The following BCL2 variants were observed in gnomAD, a reference collection of about 807,000 sequenced individuals.
BCL2 encodes the protein BCL2 apoptosis regulator.
Under a neutral mutation model 14.2 loss-of-function variants are expected in BCL2, and 1 was observed. That is an observed-to-expected ratio of 0.07 (90% CI 0.02 to 0.33). BCL2 has a LOEUF of 0.33. Among genes scored for constraint, BCL2 ranks in the 10% least tolerant of loss-of-function variants. BCL2 has a pLI of 0.99. For missense variants in BCL2, 247 were observed against 305.9 expected (o/e 0.81, Z 1.44); for synonymous variants, 151 against 137.2 (o/e 1.10, Z -0.70).
chr18:63,179,527 A>G (rs1274409261), intron 2 of BCL2, among the ~76,000 whole-genome samples: 1 of 151,412 alleles, frequency 6.6e-6, no homozygotes, highest in Non-Finnish European at 1.5e-5. Context: ...AAAGGTGAGG[A>G]AAGGTAACGA....
chr18:63,151,483 TAGATGGGGGGCGATAAC>T (rs1185815973), intron 2 of BCL2, among the ~76,000 whole-genome samples: 2 of 93,364 alleles, frequency 2.1e-5, no homozygotes, highest in Admixed American at 3.4e-4. Context: ...GGGGCGATAA[TAGATGGGGGGCGATAAC>T]AGATGAGGGG....
chr18:63,263,466 G>T (rs559775757), intron 2 of BCL2, among the ~76,000 whole-genome samples: 1 of 152,300 alleles, frequency 6.6e-6, no homozygotes, highest in Admixed American at 6.5e-5. Flanking sequence ...GAGCAGGAGG[G>T]CTGATGAGTG....
rs1016860 is a variant in BCL2, at chr18:63,127,841, C to G, written c.*784G>C. 4.5e-6 allele frequency: 1 copy of G among 224,448 alleles called. No individual in the cohort carries two copies. The highest frequency in any genetic ancestry group is 1.8e-4 in the South Asian group (1 of 5,462). The allele number at this position is 224,448 out of a possible 1,614,324, so 13.9% of individuals were successfully genotyped here. Reference sequence around the variant, plus strand: ...AATATATGAATATACACAATCAGGGCTTAAGGTACTGGATGATATTGTATA... The same window carrying G: ...AATATATGAATATACACAATCAGGGGTTAAGGTACTGGATGATATTGTATA... On this transcript the variant is annotated 3_prime_UTR_variant, in exon 3 of 3. Transcript: ENST00000333681.
In BCL2 at chr18:63,318,442, C is replaced by A. The variant is rs764359199; in HGVS notation, c.225G>T (p.Pro75=). ...PVARTSPLQT[P]AAPGAAAGPA... is the part of the protein sequence containing the mutation. ...GCCCCGCGGCGGCGCCGGGGGCAGC[C>A]GGGGTCTGCAGCGGCGAGGTCCTGG... The change falls in exon 2 of 3, where the codon CCG becomes CCT. Residue 75 remains proline (P), a synonymous_variant. Coordinates refer to ENST00000333681, the MANE Select transcript of BCL2 (RefSeq NM_000633.3). This position sits in a 1 kb window ranked among gnomAD's most constrained non-coding sequence, Gnocchi z 7.4. 16 of 1,477,078 alleles carry A rather than the reference C, an allele frequency of 1.1e-5. No homozygotes were observed. The East Asian group carries it at 3.8e-4, about 35-fold the overall frequency. The allele number at this position is 1,477,078 out of a possible 1,614,324, so 91.5% of individuals were successfully genotyped here. A position where few individuals can be genotyped will look rare whatever the true frequency, so the allele number is the denominator to read the frequency against.
chr18:63,296,739 G>T (rs1041010029), intron 2 of BCL2, among the ~76,000 whole-genome samples: 4 of 152,196 alleles, frequency 2.6e-5, no homozygotes, highest in Non-Finnish European at 5.9e-5. Context: ...GACAATGGGA[G>T]CCACAAGAAC....
intron 2 of BCL2, among the ~76,000 whole-genome samples, chr18:63,270,679 C>A (rs886869586): frequency 6.6e-6 from 1 of 152,166 alleles, no homozygotes. Flanking sequence ...GAAATCACTG[C>A]ATACCTTTTG....
At chr18:63,300,065 G>A (rs758479299) in intron 2 of BCL2, among the ~76,000 whole-genome samples, 1 of 152,208 alleles carries the variant, frequency 6.6e-6, no homozygotes, top group Non-Finnish European at 1.5e-5. Flanking sequence ...AATGAAGTCA[G>A]GAGGCAGAGT....
intron 2 of BCL2, among the ~76,000 whole-genome samples, chr18:63,147,661 A>T (rs1406731522): frequency 1.3e-5 from 2 of 152,226 alleles, no homozygotes; most frequent in Non-Finnish European, 2.9e-5. Flanking sequence ...AGATACTCCG[A>T]CAGCTCAAAT....
At chr18:63,152,193 C>T (rs1487369192) in intron 2 of BCL2, among the ~76,000 whole-genome samples, 2 of 152,198 alleles carry the variant, frequency 1.3e-5, no homozygotes, top group African/African-American at 4.8e-5. Flanking sequence ...AAATAGACAT[C>T]AAGGAGTTTG....
At chr18:63,178,966 G>A (rs1425091794) in intron 2 of BCL2, among the ~76,000 whole-genome samples, 1 of 150,000 alleles carries the variant, frequency 6.7e-6, no homozygotes, top group Non-Finnish European at 1.5e-5. Context: ...AAAGTCATGG[G>A]ACTTGAGTCA....
At chr18:63,187,643 A>T (rs1296663599) in intron 2 of BCL2, among the ~76,000 whole-genome samples, 1 of 152,226 alleles carries the variant, frequency 6.6e-6, no homozygotes, top group Non-Finnish European at 1.5e-5. Context: ...CTGAATAAAG[A>T]ACAGGTGAAG....
chr18:63,176,059 C>T (rs1915341329), intron 2 of BCL2, among the ~76,000 whole-genome samples: 1 of 152,218 alleles, frequency 6.6e-6, no homozygotes, highest in South Asian at 2.1e-4. Context: ...TGAACTCCCA[C>T]AGCGTGGTTT....
chr18:63,274,998 T>G (rs1488544536), intron 2 of BCL2, among the ~76,000 whole-genome samples: 1 of 152,224 alleles, frequency 6.6e-6, no homozygotes, highest in Non-Finnish European at 1.5e-5. Context: ...AGATTCTGCC[T>G]TCACAGTTTT....
intron 2 of BCL2, among the ~76,000 whole-genome samples, chr18:63,181,489 C>T (rs879091314): frequency 1.3e-5 from 2 of 152,222 alleles, no homozygotes; most frequent in Admixed American, 1.3e-4. Flanking sequence ...GGGAAAAATG[C>T]AGATGCCTGG....
intron 2 of BCL2, among the ~76,000 whole-genome samples, chr18:63,177,332 T>G (rs989793399): frequency 6.6e-6 from 1 of 152,218 alleles, no homozygotes; most frequent in Non-Finnish European, 1.5e-5. Context: ...CCTTTGCATA[T>G]TTTACAAAAT....
At chr18:63,169,197 G>A (rs182530015) in intron 2 of BCL2, among the ~76,000 whole-genome samples, 77 of 151,714 alleles carry the variant, frequency 5.1e-4, no homozygotes, top group African/African-American at 8.2e-4. Flanking sequence ...GAAACAACAG[G>A]CCCTTGTTTT....
chr18:63,308,208 G>A lies in BCL2; in HGVS notation c.585+9874C>T, dbSNP rs4987713. On this transcript the variant is annotated intron_variant, in intron 2 of 2. Coordinates refer to ENST00000333681, the MANE Select transcript of BCL2 (RefSeq NM_000633.3). ...TAGAAATGGAATCTTAGGTTCTGTC[G>A]CCTCTGGGAATGCCGCACTGTACTG... Among the ~76,000 whole-genome samples the A allele has an allele frequency of 2.8e-3, 429 of 152,288 alleles. 27 individuals carry two copies. The South Asian group carries it at 0.085, about 30-fold the overall frequency.
At chr18:63,180,050 G>A (rs557995853) in intron 2 of BCL2, among the ~76,000 whole-genome samples, 7 of 152,202 alleles carry the variant, frequency 4.6e-5, no homozygotes, top group South Asian at 2.1e-4. Flanking sequence ...GGCCATCTAC[G>A]CAATCTATCA....
chr18:63,173,066 A>G (rs111925929), intron 2 of BCL2, among the ~76,000 whole-genome samples: 1,666 of 152,374 alleles, frequency 0.011, 21 homozygotes, highest in African/African-American at 0.032. Flanking sequence ...AACCACAAAA[A>G]GTTTAGCTCC....
Sources: gnomAD v4.1 joint callset for allele counts (sites outside exome capture counted in the v4.1 genomes callset) on GRCh38, gnomAD v4.1.1 for gene constraint, Gnocchi (gnomAD v3.1) non-coding constraint, MANE v1.5 for transcripts, NCBI Gene and HGNC (gene_info 2026-07-23, HGNC 2026-07-21) for gene names.